Variants in KIF9 observed in about 807,000 individuals in gnomAD.
The protein encoded by KIF9 is kinesin-like protein KIF9.
Under a neutral mutation model 94.8 loss-of-function variants are expected in KIF9, and 68 were observed. The observed-to-expected ratio is 0.72, with a 90% CI of 0.59 to 0.88. The LOEUF is 0.88. KIF9 is among the 40% of genes least tolerant of loss of function. The probability of loss-of-function intolerance (pLI) is 0.00; values close to 1 mark genes in which losing one functional copy is unlikely to be tolerated. For synonymous variants in KIF9, 343 were observed against 362.1 expected, an observed-to-expected ratio of 0.95 and a Z score of 0.60; for missense variants, 882 against 982.5, an observed-to-expected ratio of 0.90 and a Z score of 1.37.
At chr3:47,259,156 A>T (rs1700804528) in intron 9 of KIF9, among the ~76,000 whole-genome samples, 1 of 152,236 alleles carries the variant, frequency 6.6e-6, no homozygotes. Context: ...ACACATGCTA[A>T]GAAAGGCTGC....
intron 4 of KIF9, among the ~76,000 whole-genome samples, chr3:47,271,732 G>A (rs1701661322): frequency 6.6e-6 from 1 of 152,154 alleles, no homozygotes; most frequent in African/African-American, 2.4e-5. Context: ...TCATTTATAT[G>A]CCTCTTTCAA....
chr3:47,249,299 C>T (rs1575989382), intron 10 of KIF9, among the ~76,000 whole-genome samples: 1 of 152,074 alleles, frequency 6.6e-6, no homozygotes, highest in African/African-American at 2.4e-5. Context: ...GCATGTGCCA[C>T]CACGCCCGGC....
intron 13 of KIF9, chr3:47,245,736 CAT>C (rs1699881587): frequency 1.8e-6 from 1 of 564,316 alleles, no homozygotes; most frequent in African/African-American, 1.9e-5. Flanking sequence ...TACCTTATGT[CAT>C]GTGTGTCTGC....
intron 3 of KIF9, 142 bp downstream of exon 3, chr3:47,275,183 G>C (rs1203173405): frequency 1.5e-6 from 1 of 660,302 alleles, no homozygotes; most frequent in Non-Finnish European, 2.5e-6. Context: ...CAAGCAAACA[G>C]TAAGTTTTGC....
chr3:47,254,705 T>G (rs1319027418), intron 10 of KIF9, among the ~76,000 whole-genome samples: 1 of 152,068 alleles, frequency 6.6e-6, no homozygotes, highest in East Asian at 1.9e-4. Context: ...CCCAATCCAG[T>G]CACCATGGCC....
At chr3:47,239,663 C>T (rs1159883520) in intron 17 of KIF9, 1 of 1,115,650 alleles carries the variant, frequency 9.0e-7, no homozygotes, top group Non-Finnish European at 1.1e-6. Context: ...TCTTGCCTCA[C>T]TACAACCTCT....
At chr3:47,243,344 C>T (rs1699710144) in intron 15 of KIF9, 99 bp from the exon 16 acceptor site, 8 of 959,448 alleles carry the variant, frequency 8.3e-6, no homozygotes, top group Admixed American at 2.9e-5. Context: ...CACTGGGAAC[C>T]CCACCTCATT....
At chr3:47,229,168 T>C (rs1698370536) in intron 20 of KIF9, among the ~76,000 whole-genome samples, 1 of 152,188 alleles carries the variant, frequency 6.6e-6, no homozygotes, top group Admixed American at 6.5e-5. Flanking sequence ...ACAGAAACAG[T>C]GGGCTGTAAG....
chr3:47,248,481 C>T (rs750240342), intron 10 of KIF9, among the ~76,000 whole-genome samples: 25 of 152,000 alleles, frequency 1.6e-4, no homozygotes, highest in Non-Finnish European at 2.8e-4. Context: ...TTGCTCTTGT[C>T]GCCCGGGCTG....
In KIF9 at chr3:47,246,183, T is replaced by TG. The variant is rs776737791; in HGVS notation, c.1289+13dup. 1 of 1,609,674 alleles carries TG rather than the reference T, an allele frequency of 6.2e-7. No homozygotes were observed. The highest frequency in any genetic ancestry group is 8.5e-7 in the Non-Finnish European group (1 of 1,176,834). ...GCCTGATGTAGGAATGAGGTAGGGG[T>TG]GGGGGTCTCTCACCTCAGAACCACC... On this transcript the variant is annotated intron_variant, in intron 13 of 20. Coordinates refer to ENST00000684063, the MANE Select transcript of KIF9 (RefSeq NM_182902.4).
At chr3:47,267,150 G>T (rs187014874) in intron 6 of KIF9, 30 bp downstream of exon 6, 2 of 1,601,510 alleles carry the variant, frequency 1.2e-6, no homozygotes, top group South Asian at 1.1e-5. Context: ...TGACTGCCCC[G>T]CCTGGGCTGA....
At position 47,275,371 on chromosome 3, in the gene KIF9, C is replaced by G; in HGVS notation, c.213G>C (p.Glu71Asp). The change falls in exon 3 of 21, where the codon GAG (glutamate) becomes GAC (aspartate). Residue 71 changes from glutamate to aspartate, a missense_variant. By Grantham distance (45) the Glu-to-Asp change is conservative. Transcript: ENST00000684063. ...GAGAAACCACATCCTTTGCAACTGT[C>G]TCATAAACCAAGTCCTGGGAGGCAT... Reference protein sequence around the residue: ...LHDASQDLVYETVAKDVVSQA... With the variant: ...LHDASQDLVYDTVAKDVVSQA... 3 of 1,613,982 alleles carry G rather than the reference C, an allele frequency of 1.9e-6. No homozygotes were observed. Among genetic ancestry groups the G allele is most frequent in the Non-Finnish European group, 2.5e-6 (3 of 1,179,920 alleles).
rs762363234 is a variant in KIF9 at position 47,240,820 on chromosome 3, C to A, written c.1905G>T (p.Lys635Asn). Residue 635 changes from lysine (K) to asparagine (N), a missense_variant, in exon 17 of 21, where the codon AAG (lysine) becomes AAT (asparagine). Lys to Asn is a moderately conservative substitution (Grantham distance 94, BLOSUM62 0). Coordinates refer to ENST00000684063, the MANE Select transcript of KIF9 (RefSeq NM_182902.4). ...DVTKEALNFQ[K>N]SLREKQGKYE... ...ATTTACCTTGCTTCTCCCGTAGTGA[C>A]TTCTGGAAATTCAGGGCCTCCTTGG... The A allele has an allele frequency of 6.2e-7, 1 of 1,614,142 alleles. No homozygotes were observed. The highest frequency in any genetic ancestry group is 2.2e-5 in the East Asian group (1 of 44,894).
At chr3:47,241,815 G>GTA (rs1265611025) in intron 16 of KIF9, among the ~76,000 whole-genome samples, 4 of 126,370 alleles carry the variant, frequency 3.2e-5, no homozygotes, top group Admixed American at 1.7e-4. Context: ...ATGTATATAT[G>GTA]TATATATATA....
chr3:47,247,849 CCT>C (rs1325485747), intron 11 of KIF9, among the ~76,000 whole-genome samples, 167 bp downstream of exon 11: 2 of 152,172 alleles, frequency 1.3e-5, no homozygotes, highest in Admixed American at 1.3e-4. Context: ...GCTCCCAACC[CCT>C]GTCCTCATGG....
intron 9 of KIF9, among the ~76,000 whole-genome samples, chr3:47,259,013 C>G (rs1428568708): frequency 6.6e-6 from 1 of 152,182 alleles, no homozygotes; most frequent in Non-Finnish European, 1.5e-5. Flanking sequence ...AGCGTCTGCT[C>G]AAACTTTACC....
chr3:47,245,386 G>C, intron 14 of KIF9, 35 bp downstream of exon 14: 1 of 1,496,008 alleles, frequency 6.7e-7, no homozygotes, highest in Non-Finnish European at 9.3e-7. Context: ...GGAAATCTGA[G>C]GTGAGTGCTG....
At chr3:47,272,308 A>C (rs1262553444) in intron 4 of KIF9, among the ~76,000 whole-genome samples, 1 of 152,188 alleles carries the variant, frequency 6.6e-6, no homozygotes, top group East Asian at 1.9e-4. Flanking sequence ...AGTAGACACA[A>C]GTTACAGATG....
intron 8 of KIF9, among the ~76,000 whole-genome samples, chr3:47,264,675 C>T (rs921467409): frequency 8.5e-5 from 13 of 152,152 alleles, no homozygotes; most frequent in African/African-American, 2.7e-4. Flanking sequence ...TGGCCTCAAG[C>T]GATCCTCCTG....
Sources: gnomAD v4.1 joint callset for allele counts (sites outside exome capture counted in the v4.1 genomes callset) on GRCh38, gnomAD v4.1.1 for gene constraint, MANE v1.5 for transcripts, NCBI Gene and HGNC (gene_info 2026-07-23, HGNC 2026-07-21) for gene names.